PDE12: variants seen among roughly 807,000 people sequenced by gnomAD.
PDE12 encodes the protein 2',5'-phosphodiesterase 12.
Under a neutral mutation model 45.4 loss-of-function variants are expected in PDE12, and 26 were observed. The observed-to-expected ratio is 0.57, with a 90% CI of 0.42 to 0.79. The LOEUF is 0.79. Among genes scored for constraint, PDE12 ranks in the 30% least tolerant of loss-of-function variants. The probability of loss-of-function intolerance (pLI) is 0.00; values close to 1 mark genes in which losing one functional copy is unlikely to be tolerated. For missense variants in PDE12, 668 were observed against 790.0 expected, an observed-to-expected ratio of 0.85 and a Z score of 1.85; for synonymous variants, 283 against 323.9, an observed-to-expected ratio of 0.87 and a Z score of 1.36.
At chr3:57,633,147 TA>T in the PDE12 span, 2 of 834,962 alleles carry the variant, frequency 2.4e-6, no homozygotes, top group Non-Finnish European at 1.9e-6. Context: ...TTTTAATCAC[TA>T]AATATACCAG....
chr3:57,608,931 A>G, the PDE12 span, among the ~76,000 whole-genome samples: 1 of 152,232 alleles, frequency 6.6e-6, no homozygotes, highest in Non-Finnish European at 1.5e-5. Flanking sequence ...TTAACAAAAT[A>G]TACATTCTTC....
chr3:57,647,431 G>A, the PDE12 span, among the ~76,000 whole-genome samples: 1 of 152,130 alleles, frequency 6.6e-6, no homozygotes, highest in Non-Finnish European at 1.5e-5. Context: ...CCAGGGAGGC[G>A]TGTCAGAGCT....
the PDE12 span, among the ~76,000 whole-genome samples, chr3:57,635,247 T>A: frequency 6.6e-6 from 1 of 152,094 alleles, no homozygotes; most frequent in Non-Finnish European, 1.5e-5. Context: ...CTCCTCAAAT[T>A]CAGCTTTTCC....
the PDE12 span, among the ~76,000 whole-genome samples, chr3:57,641,426 T>A: frequency 6.7e-6 from 1 of 148,226 alleles, no homozygotes; most frequent in African/African-American, 2.5e-5. Context: ...ATTATTATTC[T>A]ATAATAATAT....
At chr3:57,641,300 T>A in the PDE12 span, among the ~76,000 whole-genome samples, 1 of 143,888 alleles carries the variant, frequency 6.9e-6, no homozygotes, top group African/African-American at 2.5e-5. Context: ...ATTATATATT[T>A]AAATATATAT....
At chr3:57,617,400 T>A in the PDE12 span, among the ~76,000 whole-genome samples, 4 of 152,034 alleles carry the variant, frequency 2.6e-5, no homozygotes, top group African/African-American at 9.7e-5. Context: ...CAAGATCCTG[T>A]CTAATAAAAA....
At chr3:57,633,487 T>C in the PDE12 span, 1 of 734,246 alleles carries the variant, frequency 1.4e-6, no homozygotes, top group African/African-American at 1.8e-5. Context: ...CACCTTGAAG[T>C]AATTTAATGT....
the PDE12 span, among the ~76,000 whole-genome samples, chr3:57,591,536 A>G: frequency 6.7e-6 from 1 of 150,134 alleles, no homozygotes; most frequent in East Asian, 1.9e-4. Context: ...GCACGATCTC[A>G]GCTCACTGCA....
Position 57,559,761 on chromosome 3 carries a change from A to G in PDE12, c.1587A>G (p.Arg529=), listed in dbSNP as rs2069707397. ...EDWASNGEEE[R]CNMSLTHFFK... is the part of the protein sequence containing the mutation. ...GGGCTTCCAATGGGGAGGAGGAAAG[A>G]TGCAATATGTCTCTTACACATTTCT... The change falls in exon 3 of 3, where the codon AGA becomes AGG. Residue 529 remains arginine, a synonymous_variant. Transcript: ENST00000311180. The G allele has an allele frequency of 6.2e-7, 1 of 1,614,106 alleles. No homozygotes were observed.
At chr3:57,601,232 C>G in the PDE12 span, among the ~76,000 whole-genome samples, 1 of 151,922 alleles carries the variant, frequency 6.6e-6, no homozygotes, top group Non-Finnish European at 1.5e-5. Flanking sequence ...GTATCAGCCT[C>G]CGGGGTAGCT....
the PDE12 span, among the ~76,000 whole-genome samples, chr3:57,632,420 A>G: frequency 6.6e-6 from 1 of 151,934 alleles, no homozygotes; most frequent in South Asian, 2.1e-4. Context: ...CCTGGCCTTA[A>G]GCAATCCTCT....
At chr3:57,650,124 T>C in the PDE12 span, among the ~76,000 whole-genome samples, 1 of 151,908 alleles carries the variant, frequency 6.6e-6, no homozygotes, top group African/African-American at 2.4e-5. Context: ...ACTATGAACT[T>C]TGGGAACTCA....
the PDE12 span, chr3:57,628,120 G>A: frequency 6.0e-6 from 9 of 1,509,340 alleles, no homozygotes; most frequent in East Asian, 2.3e-5. Flanking sequence ...TTTCCACTCC[G>A]CTGCCACTGA....
the PDE12 span, among the ~76,000 whole-genome samples, chr3:57,620,703 A>T: frequency 6.6e-6 from 1 of 152,218 alleles, no homozygotes; most frequent in African/African-American, 2.4e-5. Context: ...GAAAAATTGT[A>T]AATTTAAATT....
At chr3:57,654,661 GA>G in the PDE12 span, 1 of 985,242 alleles carries the variant, frequency 1.0e-6, no homozygotes, top group Non-Finnish European at 1.2e-6. Flanking sequence ...CTCAAAAACA[GA>G]ATGAGGAAAC....
chr3:57,556,550 TGG>T lies in PDE12; in HGVS notation c.172_173del (p.Gly58Ter). Reference sequence around the variant, plus strand: ...TGAGCCTGTCATTCGCTTTGGCTGATGGTAGCCACAAGAACATGCAGCGCGAC... The same window carrying T: ...TGAGCCTGTCATTCGCTTTGGCTGATTAGCCACAAGAACATGCAGCGCGAC... ...KLSLSFALAD[G>X]SHKNMQRDQS... On this transcript the variant is annotated frameshift_variant, in exon 1 of 3. Coordinates refer to ENST00000311180, the MANE Select transcript of PDE12 (RefSeq NM_177966.7). LOFTEE classifies it high-confidence loss of function. The surrounding 1 kb of genome is among the most constrained non-coding windows in gnomAD (Gnocchi z 5.0). 1 of 1,613,540 alleles carries T rather than the reference TGG, an allele frequency of 6.2e-7. No homozygotes were observed. The highest frequency in any genetic ancestry group is 2.2e-5 in the East Asian group (1 of 44,882).
chr3:57,613,369 C>T, the PDE12 span, among the ~76,000 whole-genome samples: 1 of 150,638 alleles, frequency 6.6e-6, no homozygotes, highest in African/African-American at 2.4e-5. Context: ...TCTCGGCTCA[C>T]TGCAACCTCT....
At chr3:57,614,584 C>T in the PDE12 span, among the ~76,000 whole-genome samples, 1 of 135,398 alleles carries the variant, frequency 7.4e-6, no homozygotes, top group Non-Finnish European at 1.5e-5. Context: ...TGCTCTGTTG[C>T]CCAGACTGGA....
downstream of PDE12, among the ~76,000 whole-genome samples, chr3:57,571,066 C>G (rs2069837631): frequency 6.6e-6 from 1 of 151,540 alleles, no homozygotes; most frequent in Non-Finnish European, 1.5e-5. Flanking sequence ...TGATCTCAAA[C>G]TCCTATTCTC....
Sources: allele counts gnomAD v4.1 joint callset (sites outside exome capture counted in the v4.1 genomes callset), GRCh38; gene constraint gnomAD v4.1.1; non-coding constraint Gnocchi (gnomAD v3.1); transcripts MANE v1.5; gene names NCBI Gene and HGNC (gene_info 2026-07-23, HGNC 2026-07-21).